IL36A: variants seen among roughly 807,000 people sequenced by gnomAD.
IL36A encodes interleukin 36 alpha, also known as interleukin-36 alpha.
In IL36A, 13 loss-of-function variants were observed where a neutral mutation model predicts 12.7. That is an observed-to-expected ratio of 1.02 (90% CI 0.67 to 1.63). The LOEUF is 1.63. Ranked by LOEUF, IL36A falls within the 40% of genes most tolerant of loss-of-function variation. The pLI, the probability that IL36A is intolerant of heterozygous loss-of-function variation, is 0.00. For missense variants in IL36A, 195 were observed against 192.9 expected, an observed-to-expected ratio of 1.01 and a Z score of -0.07; for synonymous variants, 73 against 71.9, an observed-to-expected ratio of 1.01 and a Z score of -0.08.
downstream of IL36A, among the ~76,000 whole-genome samples, chr2:113,010,370 T>C (rs145459958): frequency 9.4e-4 from 143 of 152,336 alleles, 3 homozygotes; most frequent in East Asian, 0.025. Context: ...TACAAAAAAG[T>C]AGAACTGTTT....
At chr2:113,006,842 T>C (rs28947168) in intron 3 of IL36A, 105 bp downstream of exon 3, 180,225 of 1,288,848 alleles carry the variant, frequency 0.14, 13,797 homozygotes, top group Middle Eastern at 0.18. Context: ...TTATTTTTGG[T>C]TTCCTTGGGG....
Position 113,005,516 on chromosome 2 carries a change from C to T in IL36A, c.-356C>T, listed in dbSNP as rs1016320468. ...ATAATGGTAGGGATACAGGGTCCTT[C>T]GTAACAGATTATCAGTGTGGCCTAT... On this transcript the variant is annotated 5_prime_UTR_variant, in exon 1 of 4. Transcript: ENST00000259211. 5.9e-5 allele frequency: 23 copies of T among 386,740 alleles called. No homozygotes were observed. The highest frequency in any genetic ancestry group is 3.2e-4 in the African/African-American group (16 of 49,326). 24.0% of individuals were successfully genotyped at this position (386,740 alleles called of 1,614,324 possible).
In IL36A at chr2:113,005,681, C is replaced by A; in HGVS notation, c.-191C>A. The A allele has an allele frequency of 1.5e-6, 1 of 652,334 alleles. No individual in the cohort carries two copies. The allele number at this position is 652,334 out of a possible 1,614,324, so 40.4% of individuals were successfully genotyped here. On this transcript the variant is annotated 5_prime_UTR_variant, in exon 1 of 4. Coordinates refer to ENST00000259211, the MANE Select transcript of IL36A (RefSeq NM_014440.3). ...GCTTCTGCTGGAGGTAGACTGCATCCAACAAAGTAAGGGTGCTGGGTGAGT... is the reference window on the plus strand; with the variant it reads ...GCTTCTGCTGGAGGTAGACTGCATCAAACAAAGTAAGGGTGCTGGGTGAGT...
chr2:113,009,755 C>T (rs761315252), downstream of IL36A, among the ~76,000 whole-genome samples: 1 of 152,156 alleles, frequency 6.6e-6, no homozygotes, highest in Non-Finnish European at 1.5e-5. Flanking sequence ...AATTTCACTC[C>T]CTATTTCAGT....
In IL36A at chr2:113,007,988, ACC is replaced by A; in HGVS notation, c.423_424del (p.Gln142ArgfsTer9). ...SSEGGCPLIL[T>X]QELGKANTTD... ...TGAAGGAGGCTGTCCTCTCATCCTT[ACC>A]CAAGAACTGGGGAAAGCCAACACTA... On this transcript the variant is annotated frameshift_variant, in exon 4 of 4. Transcript: ENST00000259211. LOFTEE classifies it low-confidence loss of function (END_TRUNC). The A allele has an allele frequency of 6.2e-7, 1 of 1,614,142 alleles. No homozygotes were observed. Among genetic ancestry groups the A allele is most frequent in the Non-Finnish European group, 8.5e-7 (1 of 1,180,020 alleles).
rs202001688 is a variant in IL36A, at chr2:113,006,076, G to A, written c.113G>A (p.Arg38His). 41 of 1,609,462 alleles carry A rather than the reference G, an allele frequency of 2.5e-5. No homozygotes were observed. The highest frequency in any genetic ancestry group is 1.1e-4 in the East Asian group (5 of 44,848). Residue 38 changes from arginine (R) to histidine (H), a missense_variant, in exon 2 of 4, where the codon CGT (arginine) becomes CAT (histidine). Arg to His is a conservative substitution (Grantham distance 29). Transcript: ENST00000259211. ...QTLIAVPRKD[R>H]MSPVTIALIS... ...CTCATAGCAGTCCCGAGGAAGGACC[G>A]TATGTCTCCAGGTGAGTAGCCACGG...
chr2:113,009,395 G>A (rs1684694756), downstream of IL36A, among the ~76,000 whole-genome samples: 1 of 150,452 alleles, frequency 6.6e-6, no homozygotes, highest in Admixed American at 6.6e-5. Context: ...CAATAGCAAA[G>A]ACTTGGAACC....
rs541698522 is a variant in IL36A at position 113,008,023 on chromosome 2, T to G, written c.456T>G (p.Phe152Leu). ...QELGKANTTD[F>L]GLTMLF is the part of the protein sequence containing the mutation. The stretch of plus-strand genomic sequence containing the variant: ...TGGGGAAAGCCAACACTACTGACTT[T>G]GGGTTAACTATGCTGTTTTAAGGTC... The change falls in exon 4 of 4, where the codon TTT (phenylalanine) becomes TTG (leucine). Residue 152 changes from phenylalanine to leucine, a missense_variant. Transcript: ENST00000259211. 6.2e-7 allele frequency: 1 copy of G among 1,614,172 alleles called. No individual in the cohort carries two copies. The highest frequency in any genetic ancestry group is 2.2e-5 in the East Asian group (1 of 44,882).
chr2:113,007,732 GT>G, intron 3 of IL36A, 99 bp from the exon 4 acceptor site: 1 of 917,578 alleles, frequency 1.1e-6, no homozygotes, highest in Non-Finnish European at 1.8e-6. Flanking sequence ...GCTTCAATGA[GT>G]AGGGAATGCT....
intron 3 of IL36A, 66 bp from the exon 4 acceptor site, chr2:113,007,766 T>C: frequency 1.6e-6 from 2 of 1,279,328 alleles, no homozygotes; most frequent in Admixed American, 1.7e-5. Flanking sequence ...GGAATATCAG[T>C]GTGTAAAGAA....
Position 113,007,915 on chromosome 2 carries a change from C to T in IL36A, c.348C>T (p.Ser116=), listed in dbSNP as rs1684659407. 1 of 1,614,064 alleles carries T rather than the reference C, an allele frequency of 6.2e-7. No homozygotes were observed. The highest frequency in any genetic ancestry group is 1.3e-5 in the African/African-American group (1 of 74,936). Residue 116 remains serine, a synonymous_variant, in exon 4 of 4, where the codon TCC becomes TCT. Transcript: ENST00000259211. The part of the protein sequence containing the change: ...LFYHSQSGRN[S]TFESVAFPGW... ...ACCACAGCCAGAGTGGCAGGAACTCCACCTTCGAGTCTGTGGCTTTCCCTG... is the reference window on the plus strand; with the variant it reads ...ACCACAGCCAGAGTGGCAGGAACTCTACCTTCGAGTCTGTGGCTTTCCCTG...
At position 113,006,750 on chromosome 2, in the gene IL36A, G is replaced by T. The variant is rs760586507; in HGVS notation, c.264+13G>T. Reference sequence around the variant, plus strand: ...ACTGCAGCTGAAGGTGAGTGTGGAAGACAGGTCCTGCCATTTATTTGATGG... The same window carrying T: ...ACTGCAGCTGAAGGTGAGTGTGGAATACAGGTCCTGCCATTTATTTGATGG... On this transcript the variant is annotated intron_variant, in intron 3 of 3. Transcript: ENST00000259211. 1 of 1,613,054 alleles carries T rather than the reference G, an allele frequency of 6.2e-7. No homozygotes were observed. Among genetic ancestry groups the T allele is most frequent in the Non-Finnish European group, 8.5e-7 (1 of 1,179,610 alleles).
In IL36A at chr2:113,006,710, C is replaced by T. The variant is rs2289934; in HGVS notation, c.237C>T (p.Val79=). ...ATCTCTGCCTGATGTGTGCTAAAGT[C>T]GGGGACCAGCCCACACTGCAGCTGA... ...GLNLCLMCAK[V]GDQPTLQLKE... is the part of the protein sequence containing the mutation. Residue 79 remains valine (V), a synonymous_variant, in exon 3 of 4, where the codon GTC becomes GTT. Transcript: ENST00000259211. The T allele has an allele frequency of 8.2e-4, 1,325 of 1,614,080 alleles. 18 individuals are homozygous for T. The East Asian group carries it at 0.028, about 34-fold the overall frequency.
chr2:113,005,698 T>A lies in IL36A; in HGVS notation c.-174T>A, dbSNP rs1006769983. 5 of 694,196 alleles carry A rather than the reference T, an allele frequency of 7.2e-6. No homozygotes were observed. In the African/African-American group the frequency reaches 8.9e-5, roughly 12 times the overall value. The allele number at this position is 694,196 out of a possible 1,614,324, so 43.0% of individuals were successfully genotyped here. ...ACTGCATCCAACAAAGTAAGGGTGC[T>A]GGGTGAGTTCTGGGAGTATAGATTC... On this transcript the variant is annotated 5_prime_UTR_variant, in exon 1 of 4. Coordinates refer to ENST00000259211, the MANE Select transcript of IL36A (RefSeq NM_014440.3).
At chr2:113,010,017 C>A (rs1005781621), downstream of IL36A, among the ~76,000 whole-genome samples, 17 of 151,582 alleles carry the variant, frequency 1.1e-4, no homozygotes, top group Non-Finnish European at 2.5e-4. Context: ...CTTTTTAATC[C>A]TCTCTTATTT....
intron 3 of IL36A, among the ~76,000 whole-genome samples, chr2:113,007,086 T>C (rs547945019): frequency 6.6e-6 from 1 of 152,324 alleles, no homozygotes; most frequent in South Asian, 2.1e-4. Context: ...ATTGCAACTT[T>C]AAATGAACAA....
chr2:113,006,634 C>G lies in IL36A; in HGVS notation c.161C>G (p.Thr54Ser). The change falls in exon 3 of 4, where the codon ACC becomes AGC. Residue 54 changes from threonine to serine, a missense_variant. Coordinates refer to ENST00000259211, the MANE Select transcript of IL36A (RefSeq NM_014440.3). ...TTAATCTCATGCCGACATGTGGAGA[C>G]CCTTGAGAAAGACAGAGGGAACCCC... ...IALISCRHVE[T>S]LEKDRGNPIY... is the part of the protein sequence containing the mutation. 6.2e-7 allele frequency: 1 copy of G among 1,614,062 alleles called. No homozygotes were observed. Among genetic ancestry groups the G allele is most frequent in the Non-Finnish European group, 8.5e-7 (1 of 1,180,004 alleles).
rs1299447932 is a variant in IL36A, at chr2:113,007,953, C to T, written c.386C>T (p.Ala129Val). ...GTGGCTTTCCCTGGCTGGTTCATCGCTGTCAGCTCTGAAGGAGGCTGTCCT... is the reference window on the plus strand; with the variant it reads ...GTGGCTTTCCCTGGCTGGTTCATCGTTGTCAGCTCTGAAGGAGGCTGTCCT... ...ESVAFPGWFIAVSSEGGCPLI... is the reference protein window; with the variant it reads ...ESVAFPGWFIVVSSEGGCPLI... The change falls in exon 4 of 4, where the codon GCT becomes GTT. Residue 129 changes from alanine (A) to valine (V), a missense_variant. By Grantham distance (64) the Ala-to-Val change is moderately conservative. Transcript: ENST00000259211. The T allele has an allele frequency of 1.9e-6, 3 of 1,614,058 alleles. No individual in the cohort carries two copies. Among genetic ancestry groups the T allele is most frequent in the Non-Finnish European group, 2.5e-6 (3 of 1,180,020 alleles).
At chr2:113,009,763 A>G (rs1312069825), downstream of IL36A, among the ~76,000 whole-genome samples, 3 of 152,212 alleles carry the variant, frequency 2.0e-5, no homozygotes, top group Non-Finnish European at 2.9e-5. Context: ...TCCCTATTTC[A>G]GTGAACAATG....
Sources: allele counts gnomAD v4.1 joint callset (sites outside exome capture counted in the v4.1 genomes callset), GRCh38; gene constraint gnomAD v4.1.1; transcripts MANE v1.5; gene names NCBI Gene and HGNC (gene_info 2026-07-23, HGNC 2026-07-21).